KTN1: variants seen among roughly 807,000 people sequenced by gnomAD.
The protein encoded by KTN1 is kinectin.
In KTN1, 130 loss-of-function variants were observed where a neutral mutation model predicts 222.5. The observed-to-expected ratio is 0.58, with a 90% CI of 0.51 to 0.68. KTN1 has a LOEUF of 0.68. KTN1 is among the 30% of genes least tolerant of loss of function. KTN1 has a pLI of 0.00. For missense variants in KTN1, 1,508 were observed against 1,500.4 expected (o/e 1.01, Z -0.08); for synonymous variants, 512 against 496.3 (o/e 1.03, Z -0.42).
At chr14:55,607,913 A>G (rs549872067) in intron 1 of KTN1, among the ~76,000 whole-genome samples, 12 of 152,318 alleles carry the variant, frequency 7.9e-5, no homozygotes, top group Admixed American at 7.8e-4. Context: ...ATGTGTAAAA[A>G]TACTACACAT....
chr14:55,589,316 TG>T (rs1273057472), intron 1 of KTN1, among the ~76,000 whole-genome samples: 1 of 152,186 alleles, frequency 6.6e-6, no homozygotes, highest in Non-Finnish European at 1.5e-5. Flanking sequence ...TTCTTTTTTT[TG>T]AAACGGCGTC....
chr14:55,600,141 C>T (rs1454072986), intron 1 of KTN1, among the ~76,000 whole-genome samples: 2 of 147,978 alleles, frequency 1.4e-5, no homozygotes, highest in Admixed American at 6.7e-5. Context: ...CAAGAATATC[C>T]CCAGAAGAGA....
Position 55,648,056 on chromosome 14 carries a change from G to A in KTN1, c.2239G>A (p.Val747Met). 1 of 1,559,656 alleles carries A rather than the reference G, an allele frequency of 6.4e-7. No homozygotes were observed. Among genetic ancestry groups the A allele is most frequent in the Non-Finnish European group, 8.7e-7 (1 of 1,151,764 alleles). The change falls in exon 20 of 44, where the codon GTG becomes ATG. Residue 747 changes from valine (V) to methionine (M), a missense_variant. Physicochemically the swap from Val to Met is conservative, Grantham distance 21. Coordinates refer to ENST00000395314, the MANE Select transcript of KTN1 (RefSeq NM_001079521.2). ...IQEKDEKLKT[V>M]EELLETGLIQ... is the part of the protein sequence containing the mutation. ...AGAAAAAGATGAGAAGTTAAAGACT[G>A]TGGAAGAATTACTTGAAACTGGACT... is the stretch of plus-strand genomic sequence containing the variant.
chr14:55,647,741 G>A (rs1473323146), intron 19 of KTN1, among the ~76,000 whole-genome samples: 2 of 150,034 alleles, frequency 1.3e-5, no homozygotes, highest in Non-Finnish European at 3.0e-5. Context: ...TCAGGAGATC[G>A]AGACCATCCT....
intron 1 of KTN1, among the ~76,000 whole-genome samples, chr14:55,608,943 CTA>C (rs890615048): frequency 1.3e-5 from 2 of 151,572 alleles, no homozygotes; most frequent in African/African-American, 4.9e-5. Flanking sequence ...GAACATCTTT[CTA>C]TATGTTTTTT....
intron 43 of KTN1, chr14:55,683,375 A>C (rs1028418242): frequency 1.3e-5 from 2 of 152,124 alleles, no homozygotes; most frequent in Non-Finnish European, 2.9e-5. Flanking sequence ...TTTGTTGTTA[A>C]ACTAATTGAA....
chr14:55,612,013 A>C lies in KTN1; in HGVS notation c.-30-6A>C. 2 of 1,195,526 alleles carry C rather than the reference A, an allele frequency of 1.7e-6. No individual in the cohort carries two copies. Among genetic ancestry groups the C allele is most frequent in the Non-Finnish European group, 1.1e-6 (1 of 909,612 alleles). 74.1% of individuals were successfully genotyped at this position (1,195,526 alleles called of 1,614,324 possible). A position where few individuals can be genotyped will look rare whatever the true frequency, so the allele number is the denominator to read the frequency against. On this transcript the variant is annotated splice_polypyrimidine_tract_variant and splice_region_variant and intron_variant, in intron 1 of 43. Coordinates refer to ENST00000395314, the MANE Select transcript of KTN1 (RefSeq NM_001079521.2). ...TTTTTTTGTCCCCACCTTCTTCCCT[A>C]TTTAGGTTTTATAGGATCACATTGA...
chr14:55,671,555 G>A lies in KTN1; in HGVS notation c.3349-11G>A, dbSNP rs752410785. On this transcript the variant is annotated splice_polypyrimidine_tract_variant and intron_variant, in intron 35 of 43. Coordinates refer to ENST00000395314, the MANE Select transcript of KTN1 (RefSeq NM_001079521.2). ...GAATTATGGAGTTTTTCTTTATTTC[G>A]TTCTTTGCAGGTTCTAGAGCACAAG... 18 of 1,595,148 alleles carry A rather than the reference G, an allele frequency of 1.1e-5. No individual in the cohort carries two copies. The highest frequency in any genetic ancestry group is 9.1e-5 in the South Asian group (8 of 87,796).
At chr14:55,606,709 T>A (rs2036779802) in intron 1 of KTN1, among the ~76,000 whole-genome samples, 1 of 152,146 alleles carries the variant, frequency 6.6e-6, no homozygotes, top group African/African-American at 2.4e-5. Context: ...GTATTTAAGC[T>A]TTTAAAAGTT....
intron 1 of KTN1, among the ~76,000 whole-genome samples, chr14:55,603,159 C>G (rs1386867185): frequency 6.6e-6 from 1 of 151,014 alleles, no homozygotes; most frequent in Non-Finnish European, 1.5e-5. Flanking sequence ...TCCCTTTTTA[C>G]TGGATCATTT....
At chr14:55,584,804 A>G (rs761203164) in intron 1 of KTN1, among the ~76,000 whole-genome samples, 1 of 152,176 alleles carries the variant, frequency 6.6e-6, no homozygotes, top group Non-Finnish European at 1.5e-5. Flanking sequence ...TGTCTAGCAC[A>G]TAGCAGGTCC....
rs2037655610 is a variant in KTN1, at chr14:55,612,025, T to C, written c.-24T>C. 5 of 1,356,080 alleles carry C rather than the reference T, an allele frequency of 3.7e-6. No individual in the cohort carries two copies. Among genetic ancestry groups the C allele is most frequent in the South Asian group, 2.0e-5 (1 of 49,402 alleles). 84.0% of individuals were successfully genotyped at this position (1,356,080 alleles called of 1,614,324 possible). A position where few individuals can be genotyped will look rare whatever the true frequency, so the allele number is the denominator to read the frequency against. On this transcript the variant is annotated 5_prime_UTR_variant, in exon 2 of 44. Transcript: ENST00000395314. The stretch of plus-strand genomic sequence containing the variant: ...CACCTTCTTCCCTATTTAGGTTTTA[T>C]AGGATCACATTGACAAAAGTACCAT...
At chr14:55,596,173 A>AAAAAAAAAAAAAAAT (rs1376306292) in intron 1 of KTN1, among the ~76,000 whole-genome samples, 1 of 148,856 alleles carries the variant, frequency 6.7e-6, no homozygotes, top group African/African-American at 2.5e-5. Flanking sequence ...AAAAAAAAAA[A>AAAAAAAAAAAAAAAT]GTAAAAATAA....
At chr14:55,625,827 G>T (rs1426912017) in intron 5 of KTN1, among the ~76,000 whole-genome samples, 1 of 151,830 alleles carries the variant, frequency 6.6e-6, no homozygotes, top group East Asian at 1.9e-4. Context: ...CATATTGCTG[G>T]TAGAGGTCTG....
chr14:55,633,539 A>G (rs1440744287), intron 8 of KTN1, among the ~76,000 whole-genome samples, 198 bp downstream of exon 8: 1 of 151,726 alleles, frequency 6.6e-6, no homozygotes, highest in Non-Finnish European at 1.5e-5. Context: ...ACTATGTTAT[A>G]TTAATGTCAT....
chr14:55,619,714 G>GC (rs1408835286), intron 5 of KTN1, among the ~76,000 whole-genome samples: 8 of 152,138 alleles, frequency 5.3e-5, no homozygotes, highest in Admixed American at 3.3e-4. Flanking sequence ...GGGGGAAATT[G>GC]CCCCCATGAT....
chr14:55,586,394 CAAACTCT>C (rs1292577012), intron 1 of KTN1, among the ~76,000 whole-genome samples: 1 of 152,110 alleles, frequency 6.6e-6, no homozygotes, highest in Non-Finnish European at 1.5e-5. Flanking sequence ...TATTTGCTGT[CAAACTCT>C]AAATGCTTTA....
intron 41 of KTN1, among the ~76,000 whole-genome samples, chr14:55,676,295 A>G (rs936572656): frequency 1.8e-4 from 28 of 151,694 alleles, no homozygotes; most frequent in African/African-American, 6.3e-4. Flanking sequence ...ATAAATTTCT[A>G]TTTTTTTTAG....
intron 5 of KTN1, among the ~76,000 whole-genome samples, chr14:55,626,635 G>A (rs1224171791): frequency 2.6e-5 from 4 of 152,094 alleles, no homozygotes; most frequent in African/African-American, 4.8e-5. Flanking sequence ...CTTCCAATGA[G>A]GGGTGTTTTT....
Sources: allele counts gnomAD v4.1 joint callset (sites outside exome capture counted in the v4.1 genomes callset), GRCh38; gene constraint gnomAD v4.1.1; transcripts MANE v1.5; gene names NCBI Gene and HGNC (gene_info 2026-07-23, HGNC 2026-07-21).